The following RNGTT variants were observed in gnomAD, a reference collection of about 807,000 sequenced individuals.
RNGTT encodes RNA guanylyltransferase and 5'-phosphatase, also known as mRNA-capping enzyme.
RNGTT carries 33 observed loss-of-function variants against 79.3 expected under a neutral mutation model. That is an observed-to-expected ratio of 0.42 (90% CI 0.32 to 0.56). RNGTT has a LOEUF of 0.56. Ranked by LOEUF, RNGTT falls within the 20% of genes least tolerant of loss-of-function variation. RNGTT has a pLI of 0.17. For synonymous variants in RNGTT, 222 were observed against 235.9 expected (o/e 0.94, Z 0.54); for missense variants, 497 against 739.1 (o/e 0.67, Z 3.80).
intron 13 of RNGTT, among the ~76,000 whole-genome samples, chr6:88,694,228 A>G (rs1775579816): frequency 6.6e-6 from 1 of 152,136 alleles, no homozygotes; most frequent in South Asian, 2.1e-4. Flanking sequence ...AAAAACAAAA[A>G]CCTATTAGAA....
At chr6:88,833,821 A>G (rs962589620) in intron 11 of RNGTT, among the ~76,000 whole-genome samples, 3 of 152,162 alleles carry the variant, frequency 2.0e-5, no homozygotes, top group Non-Finnish European at 4.4e-5. Context: ...CAGGAGTTTG[A>G]GACCAGCCTG....
At chr6:88,856,417 T>A (rs1192956654) in intron 8 of RNGTT, among the ~76,000 whole-genome samples, 1 of 150,138 alleles carries the variant, frequency 6.7e-6, no homozygotes, top group Non-Finnish European at 1.5e-5. Context: ...GTATTTATTT[T>A]ACACACACAC....
rs575223775 is a variant in RNGTT at position 88,612,591 on chromosome 6, T to C, written c.*128A>G. 9 of 1,059,560 alleles carry C rather than the reference T, an allele frequency of 8.5e-6. No homozygotes were observed. In the Admixed American group the frequency reaches 2.1e-4, roughly 25 times the overall value. 65.6% of individuals were successfully genotyped at this position (1,059,560 alleles called of 1,614,324 possible). A position where few individuals can be genotyped will look rare whatever the true frequency, so the allele number is the denominator to read the frequency against. On this transcript the variant is annotated 3_prime_UTR_variant, in exon 16 of 16. Coordinates refer to ENST00000369485, the MANE Select transcript of RNGTT (RefSeq NM_003800.5). Reference sequence around the variant, plus strand: ...GCTGGCTACGATAACTTTCTTTTTTTAAAAAAAATTCAAATGTGTATCAAC... The same window carrying C: ...GCTGGCTACGATAACTTTCTTTTTTCAAAAAAAATTCAAATGTGTATCAAC...
chr6:88,797,505 A>T (rs995748104), intron 12 of RNGTT, among the ~76,000 whole-genome samples: 1 of 152,160 alleles, frequency 6.6e-6, no homozygotes, highest in Non-Finnish European at 1.5e-5. Context: ...ATGCAGCAGG[A>T]CTAAAGAATG....
rs115494345 is a variant in RNGTT, at chr6:88,787,356, G to A, written c.1338+14208C>T. ...CACTAGAGATTAAGGAAGATCACTCGATATGGAGAGAAGAAAAGATTGGGC... is the reference window on the plus strand; with the variant it reads ...CACTAGAGATTAAGGAAGATCACTCAATATGGAGAGAAGAAAAGATTGGGC... On this transcript the variant is annotated intron_variant, in intron 12 of 15. Transcript: ENST00000369485. 6.9e-3 allele frequency among the ~76,000 whole-genome samples: 1,054 copies of A among 152,078 alleles called. 12 individuals are homozygous for A. Among genetic ancestry groups the A allele is most frequent in the African/African-American group, 0.024 (1,008 of 41,500 alleles).
chr6:88,735,042 T>TTG (rs1453549592), intron 13 of RNGTT, among the ~76,000 whole-genome samples: 1 of 152,164 alleles, frequency 6.6e-6, no homozygotes, highest in Non-Finnish European at 1.5e-5. Context: ...ATTTATTAAT[T>TTG]TCAAATGAAA....
At chr6:88,702,340 CAT>C (rs1401070808) in intron 13 of RNGTT, among the ~76,000 whole-genome samples, 3 of 152,094 alleles carry the variant, frequency 2.0e-5, no homozygotes, top group African/African-American at 7.2e-5. Context: ...AGCCAAACCA[CAT>C]GATACTGGTA....
intron 11 of RNGTT, among the ~76,000 whole-genome samples, 178 bp from the exon 12 acceptor site, chr6:88,801,810 T>TACAC (rs1251945624): frequency 7.2e-6 from 1 of 138,350 alleles, no homozygotes; most frequent in Non-Finnish European, 1.5e-5. Flanking sequence ...AAGATTTGAA[T>TACAC]ACACACACAC....
intron 13 of RNGTT, among the ~76,000 whole-genome samples, chr6:88,744,836 A>G (rs1777612041): frequency 6.6e-6 from 1 of 152,192 alleles, no homozygotes; most frequent in Admixed American, 6.5e-5. Context: ...ATAAATTTCA[A>G]GTATTTGGGA....
intron 13 of RNGTT, among the ~76,000 whole-genome samples, chr6:88,753,585 T>G (rs1414016648): frequency 6.6e-6 from 1 of 152,038 alleles, no homozygotes; most frequent in Non-Finnish European, 1.5e-5. Flanking sequence ...ATGAAATGAC[T>G]GTCAATACCA....
At chr6:88,663,564 T>G (rs1226145975) in intron 14 of RNGTT, among the ~76,000 whole-genome samples, 1 of 152,142 alleles carries the variant, frequency 6.6e-6, no homozygotes, top group Non-Finnish European at 1.5e-5. Context: ...CTCCTACGGT[T>G]CTGTCCGACC....
At chr6:88,752,721 T>C (rs1324916934) in intron 13 of RNGTT, among the ~76,000 whole-genome samples, 1 of 152,150 alleles carries the variant, frequency 6.6e-6, no homozygotes, top group Non-Finnish European at 1.5e-5. Context: ...CTAAACTTAA[T>C]TGTACATTTT....
intron 11 of RNGTT, among the ~76,000 whole-genome samples, chr6:88,820,203 T>C (rs1025405023): frequency 6.6e-6 from 1 of 152,066 alleles, no homozygotes; most frequent in African/African-American, 2.4e-5. Flanking sequence ...ATATTACTGA[T>C]GATGATGATA....
At chr6:88,896,454 C>T (rs1783251606) in intron 6 of RNGTT, among the ~76,000 whole-genome samples, 1 of 151,966 alleles carries the variant, frequency 6.6e-6, no homozygotes, top group Admixed American at 6.6e-5. Flanking sequence ...TTAGAAGCTT[C>T]GAGACAGTTA....
At chr6:88,804,761 T>C (rs1331369874) in intron 11 of RNGTT, among the ~76,000 whole-genome samples, 1 of 152,106 alleles carries the variant, frequency 6.6e-6, no homozygotes, top group African/African-American at 2.4e-5. Flanking sequence ...ATCTTCCATA[T>C]ATCAGTATCT....
At chr6:88,855,788 T>C (rs548324787) in intron 8 of RNGTT, among the ~76,000 whole-genome samples, 19 of 152,298 alleles carry the variant, frequency 1.2e-4, no homozygotes, top group Admixed American at 3.3e-4. Context: ...CAGGAATACT[T>C]AGTTCGCAAG....
chr6:88,899,994 T>C (rs1423522512), intron 6 of RNGTT, among the ~76,000 whole-genome samples: 1 of 152,162 alleles, frequency 6.6e-6, no homozygotes, highest in East Asian at 1.9e-4. Context: ...AATCCTTAAT[T>C]AAGATATTCT....
At chr6:88,879,799 T>C (rs1197014936) in intron 8 of RNGTT, among the ~76,000 whole-genome samples, 2 of 152,160 alleles carry the variant, frequency 1.3e-5, no homozygotes, top group African/African-American at 2.4e-5. Context: ...AGAAAGAACA[T>C]TTAAGATGTA....
intron 12 of RNGTT, among the ~76,000 whole-genome samples, chr6:88,778,361 T>C (rs986934839): frequency 9.9e-5 from 15 of 152,144 alleles, no homozygotes; most frequent in Non-Finnish European, 2.1e-4. Flanking sequence ...CAATTCAGTG[T>C]GTGCATTATG....
Sources: gnomAD v4.1 joint callset for allele counts (sites outside exome capture counted in the v4.1 genomes callset) on GRCh38, gnomAD v4.1.1 for gene constraint, MANE v1.5 for transcripts, NCBI Gene and HGNC (gene_info 2026-07-23, HGNC 2026-07-21) for gene names.